AKAP19: variants seen among roughly 807,000 people sequenced by gnomAD.
AKAP19 encodes the protein small A-kinase anchoring protein.
chr2:190,017,273 CA>C, the AKAP19 span, among the ~76,000 whole-genome samples: 1 of 152,010 alleles, frequency 6.6e-6, no homozygotes, highest in Admixed American at 6.6e-5. Flanking sequence ...CATTTATATT[CA>C]AAATCATCAA....
At chr2:190,100,328 G>T in the AKAP19 span, among the ~76,000 whole-genome samples, 1 of 152,174 alleles carries the variant, frequency 6.6e-6, no homozygotes, top group East Asian at 1.9e-4. Context: ...TTTGAAGCCA[G>T]GAAATCAGCT....
chr2:190,175,616 T>C, the AKAP19 span, among the ~76,000 whole-genome samples: 1 of 152,188 alleles, frequency 6.6e-6, no homozygotes, highest in Non-Finnish European at 1.5e-5. Flanking sequence ...AAGAATTTTT[T>C]TCTTCAGGAG....
At chr2:189,898,397 G>A in the AKAP19 span, among the ~76,000 whole-genome samples, 1 of 152,056 alleles carries the variant, frequency 6.6e-6, no homozygotes, top group African/African-American at 2.4e-5. Flanking sequence ...TGAAAATAAA[G>A]GCTTCTATTT....
chr2:189,925,274 G>A, the AKAP19 span, among the ~76,000 whole-genome samples: 9 of 152,040 alleles, frequency 5.9e-5, no homozygotes, highest in Admixed American at 1.3e-4. Context: ...TGTAATCCTC[G>A]GTGGTTTAGT....
At chr2:190,178,147 G>A in the AKAP19 span, among the ~76,000 whole-genome samples, 1 of 152,298 alleles carries the variant, frequency 6.6e-6, no homozygotes, top group South Asian at 2.1e-4. This position sits in a 1 kb window ranked among gnomAD's most constrained non-coding sequence, Gnocchi z 6.3. Context: ...TCAAGCCCAG[G>A]TGAGGACAGA....
the AKAP19 span, among the ~76,000 whole-genome samples, chr2:189,972,641 GTCC>G: frequency 6.6e-6 from 1 of 152,132 alleles, no homozygotes; most frequent in Middle Eastern, 3.4e-3. Context: ...ATTTGTTTGT[GTCC>G]TCTTTTATTT....
the AKAP19 span, among the ~76,000 whole-genome samples, chr2:189,961,816 G>A: frequency 6.6e-6 from 1 of 151,948 alleles, no homozygotes; most frequent in African/African-American, 2.4e-5. Context: ...GGAGGCTGAG[G>A]CAGGAGAATC....
chr2:190,080,722 G>C, the AKAP19 span, among the ~76,000 whole-genome samples: 2 of 152,212 alleles, frequency 1.3e-5, no homozygotes, highest in African/African-American at 4.8e-5. Flanking sequence ...TGTGAAGATA[G>C]AGAATTATAC....
the AKAP19 span, among the ~76,000 whole-genome samples, chr2:190,191,557 A>C: frequency 6.6e-6 from 1 of 152,186 alleles, no homozygotes; most frequent in African/African-American, 2.4e-5. Flanking sequence ...GAAACTGCCA[A>C]ACTTTTCCAG....
the AKAP19 span, among the ~76,000 whole-genome samples, chr2:189,978,970 TGAAA>T: frequency 2.6e-5 from 4 of 151,972 alleles, no homozygotes; most frequent in Admixed American, 2.6e-4. Flanking sequence ...TGCTTATAGT[TGAAA>T]GAATCAATAT....
the AKAP19 span, among the ~76,000 whole-genome samples, chr2:190,148,468 T>C: frequency 6.6e-6 from 1 of 152,170 alleles, no homozygotes; most frequent in Non-Finnish European, 1.5e-5. Context: ...TGTAGTTTTC[T>C]TTTTTGGTTA....
chr2:190,093,260 TAAAA>T, the AKAP19 span, among the ~76,000 whole-genome samples: 1 of 148,594 alleles, frequency 6.7e-6, no homozygotes, highest in Non-Finnish European at 1.5e-5. Flanking sequence ...CCGTCTCTAC[TAAAA>T]AAAAAAAAAA....
the AKAP19 span, among the ~76,000 whole-genome samples, chr2:190,091,169 A>G: frequency 6.6e-6 from 1 of 152,250 alleles, no homozygotes; most frequent in Admixed American, 6.5e-5. Context: ...ATGCCTATAA[A>G]GTTCAACAAT....
the AKAP19 span, among the ~76,000 whole-genome samples, chr2:190,190,421 T>C: frequency 1.6e-3 from 241 of 152,376 alleles, 2 homozygotes; most frequent in Non-Finnish European, 2.7e-3. Context: ...ATTTTGAGGA[T>C]ATCCCTAATT....
chr2:190,133,036 A>T, the AKAP19 span, among the ~76,000 whole-genome samples: 4 of 152,004 alleles, frequency 2.6e-5, no homozygotes, highest in South Asian at 4.1e-4. Flanking sequence ...GGAGATAGAG[A>T]CCATCCTGGC....
At chr2:190,076,316 C>G in the AKAP19 span, among the ~76,000 whole-genome samples, 1 of 152,196 alleles carries the variant, frequency 6.6e-6, no homozygotes, top group Non-Finnish European at 1.5e-5. Context: ...CAACTCTCCT[C>G]ATTTCATGCC....
At chr2:189,964,129 G>A in the AKAP19 span, among the ~76,000 whole-genome samples, 1 of 152,242 alleles carries the variant, frequency 6.6e-6, no homozygotes, top group South Asian at 2.1e-4. Flanking sequence ...CAGAATGGAT[G>A]TTGTATTAAT....
the AKAP19 span, among the ~76,000 whole-genome samples, chr2:190,164,362 C>G: frequency 1.3e-5 from 2 of 152,046 alleles, no homozygotes; most frequent in African/African-American, 4.8e-5. Context: ...TGGTGAAACC[C>G]TGTCTCTATT....
chr2:190,116,711 G>A, the AKAP19 span, among the ~76,000 whole-genome samples: 1 of 152,092 alleles, frequency 6.6e-6, no homozygotes, highest in Non-Finnish European at 1.5e-5. Context: ...CTCTCTTCTG[G>A]TGTGCCCAGA....
Sources: gnomAD v4.1 joint callset for allele counts (sites outside exome capture counted in the v4.1 genomes callset) on GRCh38, gnomAD v4.1.1 for gene constraint, Gnocchi (gnomAD v3.1) non-coding constraint, MANE v1.5 for transcripts, NCBI Gene and HGNC (gene_info 2026-07-23, HGNC 2026-07-21) for gene names.